The following HSD11B2 variants were observed in gnomAD, a reference collection of about 807,000 sequenced individuals.
HSD11B2 encodes the protein hydroxysteroid 11-beta dehydrogenase 2.
A neutral mutation model predicts 20.9 loss-of-function variants in HSD11B2; 17 were observed. That is an observed-to-expected ratio of 0.81 (90% CI 0.56 to 1.22). The LOEUF is 1.22. HSD11B2 is among the 50% of genes most tolerant of loss of function. The pLI is 0.00. For missense variants in HSD11B2, 480 were observed against 563.6 expected, an observed-to-expected ratio of 0.85 and a Z score of 1.50; for synonymous variants, 253 against 255.4, an observed-to-expected ratio of 0.99 and a Z score of 0.09.
intron 1 of HSD11B2, chr16:67,432,596 C>T (rs1190452621): frequency 6.6e-6 from 1 of 151,614 alleles, no homozygotes; most frequent in Non-Finnish European, 1.5e-5. Flanking sequence ...GGGACAAAGG[C>T]TTAAGGCAGG....
chr16:67,435,738 A>G lies in HSD11B2; in HGVS notation c.376A>G (p.Thr126Ala). 6.2e-7 allele frequency: 1 copy of G among 1,613,960 alleles called. No individual in the cohort carries two copies. The highest frequency in any genetic ancestry group is 2.2e-5 in the East Asian group (1 of 44,870). ...CAGCCCCGGTGCCATCGAGCTGCGT[A>G]CCTGCTGCTCCCCTCGCCTAAGGCT... is the stretch of plus-strand genomic sequence containing the variant. Reference protein sequence around the residue: ...LNSPGAIELRTCCSPRLRLLQ... With the variant: ...LNSPGAIELRACCSPRLRLLQ... Residue 126 changes from threonine (T) to alanine (A), a missense_variant, in exon 2 of 5, where the codon ACC (threonine) becomes GCC (alanine). By Grantham distance (58) the Thr-to-Ala change is moderately conservative (BLOSUM62 0). Coordinates refer to ENST00000326152, the MANE Select transcript of HSD11B2 (RefSeq NM_000196.4).
At position 67,431,428 on chromosome 16, in the gene HSD11B2, G is replaced by A. The variant is rs1489734310; in HGVS notation, c.180G>A (p.Val60=). 1.5e-6 allele frequency: 2 copies of A among 1,323,254 alleles called. No homozygotes were observed. The highest frequency in any genetic ancestry group is 1.9e-6 in the Non-Finnish European group (2 of 1,038,124). 82.0% of individuals were successfully genotyped at this position (1,323,254 alleles called of 1,614,324 possible). A position where few individuals can be genotyped will look rare whatever the true frequency, so the allele number is the denominator to read the frequency against. ...RLLPPPAALA[V]LAAAGWIALS... ...TGCCCCCGCCGGCCGCACTCGCCGTGCTGGCCGCCGCCGGCTGGATCGCGT... is the reference window on the plus strand; with the variant it reads ...TGCCCCCGCCGGCCGCACTCGCCGTACTGGCCGCCGCCGGCTGGATCGCGT... The change falls in exon 1 of 5, where the codon GTG becomes GTA. Residue 60 remains valine (V), a synonymous_variant. Coordinates refer to ENST00000326152, the MANE Select transcript of HSD11B2 (RefSeq NM_000196.4).
upstream of HSD11B2, among the ~76,000 whole-genome samples, chr16:67,430,369 A>AC (rs926797084): frequency 6.6e-6 from 1 of 151,930 alleles, no homozygotes; most frequent in Non-Finnish European, 1.5e-5. This position sits in a 1 kb window ranked among gnomAD's most constrained non-coding sequence, Gnocchi z 5.4. Flanking sequence ...TTCCTCTGAC[A>AC]CCCCACCCTC....
At chr16:67,433,571 C>A (rs1311748268) in intron 1 of HSD11B2, among the ~76,000 whole-genome samples, 1 of 151,986 alleles carries the variant, frequency 6.6e-6, no homozygotes, top group Non-Finnish European at 1.5e-5. Context: ...ACTGTTGGGA[C>A]CACAGAGCTG....
chr16:67,431,298 C>A lies in HSD11B2; in HGVS notation c.50C>A (p.Ala17Asp). ...GGCGGCGCCTGGCTGCTCGTGGCTG[C>A]CCGCGCGCTGCTGCAGCTGCTGCGC... Reference protein sequence around the residue: ...PSGGAWLLVAARALLQLLRSD... With the variant: ...PSGGAWLLVADRALLQLLRSD... The change falls in exon 1 of 5, where the codon GCC (alanine) becomes GAC (aspartate). Residue 17 changes from alanine (A) to aspartate (D), a missense_variant. By Grantham distance (126) the Ala-to-Asp change is moderately radical (BLOSUM62 -2). Coordinates refer to ENST00000326152, the MANE Select transcript of HSD11B2 (RefSeq NM_000196.4). 1 of 1,264,660 alleles carries A rather than the reference C, an allele frequency of 7.9e-7. No individual in the cohort carries two copies. The highest frequency in any genetic ancestry group is 1.0e-6 in the Non-Finnish European group (1 of 994,942). 78.3% of individuals were successfully genotyped at this position (1,264,660 alleles called of 1,614,324 possible).
chr16:67,430,585 G>T, upstream of HSD11B2: 2 of 153,176 alleles, frequency 1.3e-5, no homozygotes, highest in South Asian at 3.7e-4. This position sits in a 1 kb window ranked among gnomAD's most constrained non-coding sequence, Gnocchi z 5.4. Context: ...GTGTGCGCCA[G>T]GGACCTGGCG....
In HSD11B2 at chr16:67,431,290, C is replaced by T. The variant is rs776852403; in HGVS notation, c.42C>T (p.Leu14=). The T allele has an allele frequency of 7.1e-6, 9 of 1,266,680 alleles. No homozygotes were observed. In the Admixed American group the frequency reaches 1.2e-4, roughly 17 times the overall value. 78.5% of individuals were successfully genotyped at this position (1,266,680 alleles called of 1,614,324 possible). The stretch of plus-strand genomic sequence containing the variant: ...GGCCGTCGGGCGGCGCCTGGCTGCT[C>T]GTGGCTGCCCGCGCGCTGCTGCAGC... ...WPWPSGGAWL[L]VAARALLQLL... is the part of the protein sequence containing the mutation. Residue 14 remains leucine (L), a synonymous_variant, in exon 1 of 5, where the codon CTC becomes CTT. Transcript: ENST00000326152.
At position 67,436,899 on chromosome 16, in the gene HSD11B2, C is replaced by G. The variant is rs1041952668; in HGVS notation, c.1114C>G (p.Leu372Val). The stretch of plus-strand genomic sequence containing the variant: ...GCAGGCCTTCTTCATCAGTCACTGT[C>G]TGCCTCGAGCACTGCAGCCTGGCCA... ...FLQAFFISHC[L>V]PRALQPGQPG... Residue 372 changes from leucine (L) to valine (V), a missense_variant, in exon 5 of 5, where the codon CTG (leucine) becomes GTG (valine). By Grantham distance (32) the Leu-to-Val change is conservative. Around this residue, in one of 2 missense-constraint regions of HSD11B2, gnomAD observed 374 missense variants for 480.9 expected, o/e 0.78. Transcript: ENST00000326152. This position sits in a 1 kb window ranked among gnomAD's most constrained non-coding sequence, Gnocchi z 5.7. The G allele has an allele frequency of 3.1e-6, 5 of 1,613,226 alleles. No individual in the cohort carries two copies. Among genetic ancestry groups the G allele is most frequent in the Non-Finnish European group, 4.2e-6 (5 of 1,180,026 alleles).
chr16:67,432,266 G>A (rs930898556), intron 1 of HSD11B2, among the ~76,000 whole-genome samples: 2 of 152,082 alleles, frequency 1.3e-5, no homozygotes, highest in Admixed American at 6.5e-5. Context: ...GGAAGGGGGG[G>A]GGGGGCTGGA....
rs1597563967 is a variant in HSD11B2 at position 67,437,227 on chromosome 16, A to C, written c.*224A>C. 1.7e-6 allele frequency: 1 copy of C among 597,386 alleles called. No homozygotes were observed. 37.0% of individuals were successfully genotyped at this position (597,386 alleles called of 1,614,324 possible). A position where few individuals can be genotyped will look rare whatever the true frequency, so the allele number is the denominator to read the frequency against. Reference sequence around the variant, plus strand: ...TCTCCACTGTTTCATGAGCCCAAACACCCTCCTGGCACAACGCTCTACCCT... The same window carrying C: ...TCTCCACTGTTTCATGAGCCCAAACCCCCTCCTGGCACAACGCTCTACCCT... On this transcript the variant is annotated 3_prime_UTR_variant, in exon 5 of 5. Transcript: ENST00000326152.
In HSD11B2 at chr16:67,436,416, G is replaced by T. The variant is rs755599210; in HGVS notation, c.802+30G>T. 1 of 1,515,318 alleles carries T rather than the reference G, an allele frequency of 6.6e-7. No homozygotes were observed. Among genetic ancestry groups the T allele is most frequent in the Non-Finnish European group, 9.0e-7 (1 of 1,113,924 alleles). 93.9% of individuals were successfully genotyped at this position (1,515,318 alleles called of 1,614,324 possible). On this transcript the variant is annotated intron_variant, in intron 4 of 4. Transcript: ENST00000326152. The surrounding 1 kb of genome is among the most constrained non-coding windows in gnomAD (Gnocchi z 5.7). ...GAATCAGGGCTGGGGGTGGGGTGGG[G>T]GTGGGGAATGGGGCTGGGAATGGTC...
At chr16:67,434,738 A>T (rs865783636) in intron 1 of HSD11B2, among the ~76,000 whole-genome samples, 4 of 152,206 alleles carry the variant, frequency 2.6e-5, no homozygotes, top group Non-Finnish European at 5.9e-5. Context: ...TTTAAAAACC[A>T]GCCAGGTAGA....
At chr16:67,435,903 G>C in intron 2 of HSD11B2, 54 bp from the exon 3 acceptor site, 1 of 1,613,808 alleles carries the variant, frequency 6.2e-7, no homozygotes, top group South Asian at 1.1e-5. Context: ...ACGGGGACTG[G>C]AAGTTTGCTG....
rs1296517099 is a variant in HSD11B2 at position 67,431,357 on chromosome 16, G to C, written c.109G>C (p.Ala37Pro). 4 of 1,240,502 alleles carry C rather than the reference G, an allele frequency of 3.2e-6. No individual in the cohort carries two copies. The highest frequency in any genetic ancestry group is 3.2e-4 in the Middle Eastern group (1 of 3,094). 76.8% of individuals were successfully genotyped at this position (1,240,502 alleles called of 1,614,324 possible). Residue 37 changes from alanine to proline, a missense_variant, in exon 1 of 5, where the codon GCG becomes CCG. Physicochemically the swap from Ala to Pro is conservative, Grantham distance 27. Transcript: ENST00000326152. ...DLRLGRPLLA[A>P]LALLAALDWL... ...GCGTCTGGGCCGCCCGCTGCTGGCG[G>C]CGCTGGCGCTGCTGGCCGCGCTCGA... is the stretch of plus-strand genomic sequence containing the variant.
chr16:67,431,142 G>T lies in HSD11B2; in HGVS notation c.-107G>T, dbSNP rs2040928949. 10 of 483,652 alleles carry T rather than the reference G, an allele frequency of 2.1e-5. No homozygotes were observed. The highest frequency in any genetic ancestry group is 2.7e-5 in the Non-Finnish European group (10 of 368,144). 30.0% of individuals were successfully genotyped at this position (483,652 alleles called of 1,614,324 possible). On this transcript the variant is annotated 5_prime_UTR_variant, in exon 1 of 5. Transcript: ENST00000326152. ...CAGAGAAAGCGAGTGTCCCTCTCGC[G>T]CCCCAGGCCGGTGTACCCCCGCACT...
chr16:67,430,339 G>A (rs1333479651), upstream of HSD11B2, among the ~76,000 whole-genome samples: 1 of 152,170 alleles, frequency 6.6e-6, no homozygotes, highest in Non-Finnish European at 1.5e-5. This position sits in a 1 kb window ranked among gnomAD's most constrained non-coding sequence, Gnocchi z 5.4. Context: ...TGGGCCATAA[G>A]TAATGGGAGA....
chr16:67,431,484 C>G lies in HSD11B2; in HGVS notation c.236C>G (p.Pro79Arg), dbSNP rs767338144. Residue 79 changes from proline to arginine, a missense_variant, in exon 1 of 5, where the codon CCG becomes CGG. This residue lies in a region of HSD11B2 where 374 missense variants were observed against 480.9 expected (regional missense o/e 0.78). Transcript: ENST00000326152. ...LSRLARPQRL[P>R]VATRAVLITG... ...CGCCTGGCGCGCCCGCAGCGCCTGC[C>G]GGTGGCCACTCGCGCGGTGCTCATC... is the stretch of plus-strand genomic sequence containing the variant. 9 of 1,398,612 alleles carry G rather than the reference C, an allele frequency of 6.4e-6. No homozygotes were observed. Among genetic ancestry groups the G allele is most frequent in the Non-Finnish European group, 8.4e-6 (9 of 1,074,306 alleles). The allele number at this position is 1,398,612 out of a possible 1,614,324, so 86.6% of individuals were successfully genotyped here. A position where few individuals can be genotyped will look rare whatever the true frequency, so the allele number is the denominator to read the frequency against.
chr16:67,429,987 C>A (rs919546072), upstream of HSD11B2, among the ~76,000 whole-genome samples: 3 of 152,192 alleles, frequency 2.0e-5, no homozygotes, highest in Non-Finnish European at 2.9e-5. Context: ...CTGAGCACGG[C>A]CTGGAAGCCC....
chr16:67,430,936 T>G (rs1392434925), upstream of HSD11B2: 1 of 152,142 alleles, frequency 6.6e-6, no homozygotes, highest in Non-Finnish European at 1.4e-5. This position sits in a 1 kb window ranked among gnomAD's most constrained non-coding sequence, Gnocchi z 5.4. Context: ...CGCAGCAACT[T>G]TGGGACTTTG....
Sources: allele counts gnomAD v4.1 joint callset (sites outside exome capture counted in the v4.1 genomes callset), GRCh38; gene constraint gnomAD v4.1.1; regional missense constraint gnomAD v4.1.1; non-coding constraint Gnocchi (gnomAD v3.1); transcripts MANE v1.5; gene names NCBI Gene and HGNC (gene_info 2026-07-23, HGNC 2026-07-21).